The following EML1 variants were observed in gnomAD, a reference collection of about 807,000 sequenced individuals.
The protein encoded by EML1 is echinoderm microtubule-associated protein-like 1.
Under a neutral mutation model 110.4 loss-of-function variants are expected in EML1, and 27 were observed. The ratio of observed to expected loss-of-function variants is 0.24; its 90% CI spans 0.18 to 0.34. The LOEUF is 0.34. EML1 is among the 10% of genes least tolerant of loss of function. The pLI, the probability that EML1 is intolerant of heterozygous loss-of-function variation, is 1.00. For missense variants in EML1, 741 were observed against 1,030.9 expected (o/e 0.72, Z 3.85); for synonymous variants, 344 against 385.8 (o/e 0.89, Z 1.27).
At chr14:99,821,069 C>A (rs997277067) in intron 1 of EML1, among the ~76,000 whole-genome samples, 11 of 146,382 alleles carry the variant, frequency 7.5e-5, no homozygotes, top group African/African-American at 2.8e-4. Flanking sequence ...TCTGCCCAGG[C>A]TAGAGTGCAG....
At chr14:99,904,929 G>GCACAA (rs749612720) in intron 9 of EML1, among the ~76,000 whole-genome samples, 1 of 152,110 alleles carries the variant, frequency 6.6e-6, no homozygotes, top group Non-Finnish European at 1.5e-5. Flanking sequence ...ATAACACAAA[G>GCACAA]CACAACAGAT....
rs1016854792 is a variant in EML1 at position 99,781,913 on chromosome 14, C to T, written c.-27+7900C>T. ...CTTTTGACTTCTGGACTCCTCAGTC[C>T]GCCTCAGACCCTGGGGTTTCACTAA... On this transcript the variant is annotated intron_variant, in intron 1 of 22. Coordinates refer to the EML1 transcript ENST00000327921. This position sits in a 1 kb window ranked among gnomAD's most constrained non-coding sequence, Gnocchi z 4.2. Among the ~76,000 whole-genome samples, 5 of 152,274 alleles carry T rather than the reference C, an allele frequency of 3.3e-5. No individual in the cohort carries two copies. Among genetic ancestry groups the T allele is most frequent in the East Asian group, 1.9e-4 (1 of 5,176 alleles).
At chr14:99,796,779 A>G (rs1273484323) in intron 1 of EML1, among the ~76,000 whole-genome samples, 2 of 152,002 alleles carry the variant, frequency 1.3e-5, no homozygotes, top group Non-Finnish European at 2.9e-5. Context: ...TCGAGGCCTC[A>G]TTTTGAAGTA....
chr14:99,931,978 G>A (rs1352194623), intron 17 of EML1, among the ~76,000 whole-genome samples: 1 of 152,162 alleles, frequency 6.6e-6, no homozygotes, highest in Non-Finnish European at 1.5e-5. Flanking sequence ...CTGAGGAAGG[G>A]AACGTTTCTC....
intron 1 of EML1, among the ~76,000 whole-genome samples, chr14:99,847,850 T>C (rs1445138109): frequency 6.6e-6 from 1 of 152,180 alleles, no homozygotes; most frequent in Non-Finnish European, 1.5e-5. Flanking sequence ...CCATGGTATA[T>C]ATTTTTTCCA....
Position 99,887,224 on chromosome 14 carries a change from C to T in EML1, c.519-3975C>T, listed in dbSNP as rs147564243. Among the ~76,000 whole-genome samples the T allele has an allele frequency of 1.5e-4, 23 of 152,334 alleles. No homozygotes were observed. The East Asian group carries it at 3.7e-3, about 24-fold the overall frequency. ...CGACTGCTTATATCTTATATCAGCT[C>T]TCGAACCATTCAGCTCAAGGGAGCA... On this transcript the variant is annotated intron_variant, in intron 4 of 21. Coordinates refer to ENST00000262233, the MANE Select transcript of EML1 (RefSeq NM_004434.3).
chr14:99,761,424 A>G (rs2057312586), intron 1 of EML1, among the ~76,000 whole-genome samples: 1 of 152,174 alleles, frequency 6.6e-6, no homozygotes, highest in East Asian at 1.9e-4. Context: ...TGGGTGTCAG[A>G]CACAGACCAG....
chr14:99,854,163 C>T (rs527476245), intron 2 of EML1, among the ~76,000 whole-genome samples: 190 of 152,210 alleles, frequency 1.2e-3, no homozygotes, highest in Admixed American at 5.5e-3. Context: ...GGGAAGAGCG[C>T]GTGTCTTTCT....
In EML1 at chr14:99,784,486, T is replaced by C. The variant is rs1471108125; in HGVS notation, c.-27+10473T>C. 6.6e-6 allele frequency among the ~76,000 whole-genome samples: 1 copy of C among 152,206 alleles called. No homozygotes were observed. The highest frequency in any genetic ancestry group is 2.4e-5 in the African/African-American group (1 of 41,458). ...AAATATGTAAATTCTTTTGATGGAG[T>C]CCAATCATTAGGAATACTTTTGGGT... On this transcript the variant is annotated intron_variant, in intron 1 of 22. Transcript: ENST00000327921. This position sits in a 1 kb window ranked among gnomAD's most constrained non-coding sequence, Gnocchi z 4.5.
At chr14:99,799,186 C>T (rs1480728855) in intron 1 of EML1, among the ~76,000 whole-genome samples, 3 of 152,188 alleles carry the variant, frequency 2.0e-5, no homozygotes, top group Non-Finnish European at 4.4e-5. Flanking sequence ...TTTGAAATCA[C>T]TATAATAATC....
chr14:99,851,877 C>T (rs2058814453), intron 2 of EML1, among the ~76,000 whole-genome samples: 1 of 152,114 alleles, frequency 6.6e-6, no homozygotes. Flanking sequence ...TTAGCTCTTC[C>T]CCTCTTCTAG....
chr14:99,739,242 G>A (rs542900505), intron 1 of EML1, among the ~76,000 whole-genome samples: 5 of 152,028 alleles, frequency 3.3e-5, no homozygotes, highest in Admixed American at 1.3e-4. Flanking sequence ...ATTGCCCGCC[G>A]GGGCTGCGGG....
At chr14:99,844,126 C>A (rs940894253) in intron 1 of EML1, among the ~76,000 whole-genome samples, 3 of 152,178 alleles carry the variant, frequency 2.0e-5, no homozygotes, top group Non-Finnish European at 4.4e-5. Context: ...TGAAATATTT[C>A]TCTGCTGAGC....
At chr14:99,872,582 G>A (rs1020076804) in intron 3 of EML1, among the ~76,000 whole-genome samples, 2 of 152,182 alleles carry the variant, frequency 1.3e-5, no homozygotes, top group Non-Finnish European at 2.9e-5. Context: ...TGAAAGTGTA[G>A]TGATTCATGT....
chr14:99,748,333 T>C (rs980399837), intron 1 of EML1, among the ~76,000 whole-genome samples: 10 of 152,020 alleles, frequency 6.6e-5, no homozygotes, highest in South Asian at 2.1e-4. Context: ...CTCACGTTTC[T>C]CCCCGGTTTC....
At position 99,911,527 on chromosome 14, in the gene EML1, G is replaced by A. The variant is rs770288415; in HGVS notation, c.1445G>A (p.Arg482Gln). The change falls in exon 13 of 22, where the codon CGA (arginine) becomes CAA (glutamine). Residue 482 changes from arginine to glutamine, a missense_variant. Physicochemically the swap from Arg to Gln is conservative, Grantham distance 43 (BLOSUM62 1). Coordinates refer to ENST00000262233, the MANE Select transcript of EML1 (RefSeq NM_004434.3). ...CTGGTGTCGGGAGGTGGGAAAGACC[G>A]AAAGCTCATTTCTTGGAGCGGAAAC... ...GTLVSGGGKD[R>Q]KLISWSGNYQ... 3.7e-6 allele frequency: 6 copies of A among 1,612,614 alleles called. No individual in the cohort carries two copies. The highest frequency in any genetic ancestry group is 2.2e-5 in the South Asian group (2 of 90,656).
At chr14:99,933,695 G>A (rs1289601505) in intron 17 of EML1, among the ~76,000 whole-genome samples, 3 of 152,216 alleles carry the variant, frequency 2.0e-5, no homozygotes, top group Admixed American at 6.5e-5. Flanking sequence ...TTGAAAAATG[G>A]GGATAATTAT....
In EML1 at chr14:99,907,683, G is replaced by A. The variant is rs142168028; in HGVS notation, c.1054G>A (p.Val352Met). Residue 352 changes from valine (V) to methionine (M), a missense_variant, in exon 10 of 22, where the codon GTG becomes ATG. By Grantham distance (21) the Val-to-Met change is conservative. Transcript: ENST00000262233. ...TGCTGTGGATGACTCCAACGACCAT[G>A]TGCTCTCTGTATGGGACTGGCAGAA... ...LCAVDDSNDH[V>M]LSVWDWQKEE... is the part of the protein sequence containing the mutation. 1.4e-5 allele frequency: 22 copies of A among 1,614,060 alleles called. No individual in the cohort carries two copies. The highest frequency in any genetic ancestry group is 2.7e-5 in the African/African-American group (2 of 74,920).
chr14:99,887,245 G>A (rs2059494447), intron 4 of EML1, among the ~76,000 whole-genome samples: 1 of 152,190 alleles, frequency 6.6e-6, no homozygotes, highest in African/African-American at 2.4e-5. Context: ...CAGCTCAAGG[G>A]AGCATACAGC....
Sources: gnomAD v4.1 joint callset for allele counts (sites outside exome capture counted in the v4.1 genomes callset) on GRCh38, gnomAD v4.1.1 for gene constraint, Gnocchi (gnomAD v3.1) non-coding constraint, MANE v1.5 for transcripts, NCBI Gene and HGNC (gene_info 2026-07-23, HGNC 2026-07-21) for gene names.